The following SORCS3 variants were observed in gnomAD, a reference collection of about 807,000 sequenced individuals.
The protein encoded by SORCS3 is VPS10 domain-containing receptor SorCS3.
Under a neutral mutation model 146.3 loss-of-function variants are expected in SORCS3, and 57 were observed. The ratio of observed to expected loss-of-function variants is 0.39; its 90% CI spans 0.31 to 0.49. The LOEUF (loss-of-function observed/expected upper bound fraction) is 0.49. Among genes scored for constraint, SORCS3 ranks in the 20% least tolerant of loss-of-function variants. SORCS3 has a pLI of 0.92. For synonymous variants in SORCS3, 653 were observed against 618.5 expected (o/e 1.06, Z -0.83); for missense variants, 1,341 against 1,575.5 (o/e 0.85, Z 2.52).
chr10:104,956,012 G>T (rs1217545564), intron 3 of SORCS3, among the ~76,000 whole-genome samples: 1 of 152,176 alleles, frequency 6.6e-6, no homozygotes, highest in Non-Finnish European at 1.5e-5. Context: ...TTTGGATATG[G>T]CCTTGAGGGA....
chr10:105,057,281 G>A (rs1240908842), intron 5 of SORCS3, among the ~76,000 whole-genome samples: 3 of 152,034 alleles, frequency 2.0e-5, no homozygotes, highest in Non-Finnish European at 4.4e-5. Context: ...TTGGACTTCT[G>A]TATAAGTTTT....
chr10:105,126,620 G>C (rs536800695), intron 7 of SORCS3, among the ~76,000 whole-genome samples: 1 of 152,104 alleles, frequency 6.6e-6, no homozygotes, highest in Non-Finnish European at 1.5e-5. Flanking sequence ...TGTGGAGGGT[G>C]GTCTAAGAGA....
At chr10:105,072,659 CTTTTTTTTT>C (rs545305956) in intron 5 of SORCS3, among the ~76,000 whole-genome samples, 11 of 16,624 alleles carry the variant, frequency 6.6e-4, no homozygotes, top group African/African-American at 1.8e-3. Context: ...CTCTCTCTCT[CTTTTTTTTT>C]TTTTTTTTTT....
At chr10:104,850,943 C>A (rs1248722731) in intron 2 of SORCS3, among the ~76,000 whole-genome samples, 1 of 152,222 alleles carries the variant, frequency 6.6e-6, no homozygotes, top group Non-Finnish European at 1.5e-5. Flanking sequence ...AAATAACTTA[C>A]TCTGCTAACT....
chr10:104,665,285 G>A (rs1564654402), intron 1 of SORCS3, among the ~76,000 whole-genome samples: 1 of 152,220 alleles, frequency 6.6e-6, no homozygotes, highest in Non-Finnish European at 1.5e-5. Context: ...CACACATTTA[G>A]CTACTGCTGT....
At chr10:104,692,228 G>C (rs2016122144) in intron 1 of SORCS3, among the ~76,000 whole-genome samples, 1 of 152,044 alleles carries the variant, frequency 6.6e-6, no homozygotes, top group African/African-American at 2.4e-5. Context: ...GGGAGGCCTT[G>C]GGGAGAAATA....
At chr10:104,702,708 A>G (rs991870270) in intron 1 of SORCS3, among the ~76,000 whole-genome samples, 1 of 152,176 alleles carries the variant, frequency 6.6e-6, no homozygotes, top group Non-Finnish European at 1.5e-5. Flanking sequence ...AGAAGCAAAG[A>G]CTGTAAAAAT....
Position 105,217,056 on chromosome 10 carries a change from C to A in SORCS3, c.2668C>A (p.Gln890Lys). 1 of 1,614,182 alleles carries A rather than the reference C, an allele frequency of 6.2e-7. No homozygotes were observed. Among genetic ancestry groups the A allele is most frequent in the Non-Finnish European group, 8.5e-7 (1 of 1,180,028 alleles). ...KHVYKSAGIF[Q>K]VTAYAENNLG... ...CGTGTATAAGAGTGCGGGGATCTTC[C>A]AGGTGACAGCCTATGCAGAGAACAA... Residue 890 changes from glutamine (Q) to lysine (K), a missense_variant, in exon 19 of 27, where the codon CAG becomes AAG. Physicochemically the swap from Gln to Lys is moderately conservative, Grantham distance 53. Coordinates refer to ENST00000369701, the MANE Select transcript of SORCS3 (RefSeq NM_014978.3).
intron 2 of SORCS3, among the ~76,000 whole-genome samples, chr10:104,867,309 A>ATTT (rs1258978078): frequency 2.2e-5 from 3 of 138,308 alleles, no homozygotes; most frequent in Non-Finnish European, 3.2e-5. Context: ...CCAGTGTACA[A>ATTT]TTTTTTTTTT....
chr10:105,046,910 T>C (rs1288630295), intron 5 of SORCS3, among the ~76,000 whole-genome samples: 1 of 152,034 alleles, frequency 6.6e-6, no homozygotes, highest in African/African-American at 2.4e-5. Flanking sequence ...CCTCAGCTGC[T>C]TCCGAAATTG....
At chr10:104,969,965 A>G (rs2054850274) in intron 3 of SORCS3, among the ~76,000 whole-genome samples, 1 of 152,202 alleles carries the variant, frequency 6.6e-6, no homozygotes, top group Non-Finnish European at 1.5e-5. Flanking sequence ...TATAAAATAA[A>G]GTTCATTTAT....
At chr10:104,788,755 A>C (rs533758482) in intron 1 of SORCS3, among the ~76,000 whole-genome samples, 1 of 152,336 alleles carries the variant, frequency 6.6e-6, no homozygotes, top group East Asian at 1.9e-4. Context: ...AATGTGAGTA[A>C]CTGAAGCTAC....
intron 3 of SORCS3, among the ~76,000 whole-genome samples, chr10:104,931,614 A>G (rs2019209460): frequency 2.0e-5 from 3 of 152,226 alleles, no homozygotes; most frequent in Non-Finnish European, 2.9e-5. Flanking sequence ...AAAGGCTGAG[A>G]AAAGACTCCA....
intron 1 of SORCS3, among the ~76,000 whole-genome samples, chr10:104,657,086 A>G (rs2015641135): frequency 6.6e-6 from 1 of 152,188 alleles, no homozygotes; most frequent in Non-Finnish European, 1.5e-5. Flanking sequence ...AAGCTCAGTT[A>G]TCAAGAAGCA....
chr10:105,135,125 C>T (rs1298047587), intron 7 of SORCS3, among the ~76,000 whole-genome samples: 2 of 152,272 alleles, frequency 1.3e-5, no homozygotes, highest in Non-Finnish European at 2.9e-5. Flanking sequence ...ATTTTCTTCA[C>T]TCCATGTCCC....
At chr10:104,858,343 T>C (rs1282361690) in intron 2 of SORCS3, among the ~76,000 whole-genome samples, 1 of 152,222 alleles carries the variant, frequency 6.6e-6, no homozygotes, top group African/African-American at 2.4e-5. Flanking sequence ...TTTTATATAA[T>C]GTTTGACTAA....
chr10:105,091,458 C>A (rs1453281905), intron 6 of SORCS3, among the ~76,000 whole-genome samples: 1 of 97,402 alleles, frequency 1.0e-5, no homozygotes, highest in Non-Finnish European at 2.2e-5. Flanking sequence ...TTCCTTCCTC[C>A]CTCCCTCCCT....
intron 6 of SORCS3, among the ~76,000 whole-genome samples, chr10:105,104,596 CTTG>C (rs1188477737): frequency 2.0e-5 from 3 of 152,150 alleles, no homozygotes; most frequent in African/African-American, 7.2e-5. Flanking sequence ...TGAATGCATT[CTTG>C]TTGTAAAAAT....
At chr10:104,750,350 G>GCCA (rs2016969942) in intron 1 of SORCS3, among the ~76,000 whole-genome samples, 3 of 152,204 alleles carry the variant, frequency 2.0e-5, no homozygotes, top group Non-Finnish European at 2.9e-5. Context: ...CTTCCTTGTG[G>GCCA]TATCTTTGTG....
Sources: gnomAD v4.1 joint callset for allele counts (sites outside exome capture counted in the v4.1 genomes callset) on GRCh38, gnomAD v4.1.1 for gene constraint, MANE v1.5 for transcripts, NCBI Gene and HGNC (gene_info 2026-07-23, HGNC 2026-07-21) for gene names.